GIGYF2: variants seen among roughly 807,000 people sequenced by gnomAD.
The protein encoded by GIGYF2 is GRB10 interacting GYF protein 2.
A neutral mutation model predicts 208.1 loss-of-function variants in GIGYF2; 25 were observed. That is an observed-to-expected ratio of 0.12 (90% CI 0.09 to 0.17). GIGYF2 has a LOEUF of 0.17. GIGYF2 is among the 10% of genes least tolerant of loss of function. The probability of loss-of-function intolerance (pLI) is 1.00; values close to 1 mark genes in which losing one functional copy is unlikely to be tolerated. For synonymous variants in GIGYF2, 534 were observed against 543.8 expected, an observed-to-expected ratio of 0.98 and a Z score of 0.25; for missense variants, 1,302 against 1,579.4, an observed-to-expected ratio of 0.82 and a Z score of 2.98.
At chr2:232,763,902 A>G (rs1019406015) in intron 8 of GIGYF2, among the ~76,000 whole-genome samples, 1 of 152,132 alleles carries the variant, frequency 6.6e-6, no homozygotes, top group Non-Finnish European at 1.5e-5. Flanking sequence ...TTTTTTGATC[A>G]TGATTGACCA....
At chr2:232,753,155 A>ACT (rs1305821337) in intron 5 of GIGYF2, among the ~76,000 whole-genome samples, 1 of 150,840 alleles carries the variant, frequency 6.6e-6, no homozygotes, top group Non-Finnish European at 1.5e-5. Flanking sequence ...ACAGAATCTC[A>ACT]CTCTGTTGCC....
At chr2:232,811,101 A>G (rs901426044) in intron 16 of GIGYF2, 143 bp from the exon 17 acceptor site, 38 of 634,828 alleles carry the variant, frequency 6.0e-5, no homozygotes, top group Middle Eastern at 4.2e-4. Context: ...TATTATCATA[A>G]TGAAGAATTA....
In GIGYF2 at chr2:232,763,613, T is replaced by C. The variant is rs890885718; in HGVS notation, c.532+2177T>C. On this transcript the variant is annotated intron_variant, in intron 8 of 28. Coordinates refer to ENST00000373563, the MANE Select transcript of GIGYF2 (RefSeq NM_001103146.3). ...GCTGAGGTTGGCAGATCACGTGAGG[T>C]CAGGAGTTGGAGACCAGCTTGGCCA... is the stretch of plus-strand genomic sequence containing the variant. Among the ~76,000 whole-genome samples the C allele has an allele frequency of 5.9e-5, 9 of 151,658 alleles. 1 individual carries two copies. In the South Asian group the frequency reaches 1.9e-3, roughly 32 times the overall value.
At chr2:232,710,134 T>C (rs1301004462) in intron 2 of GIGYF2, among the ~76,000 whole-genome samples, 2 of 151,916 alleles carry the variant, frequency 1.3e-5, no homozygotes, top group African/African-American at 4.8e-5. Flanking sequence ...TAATTTTTTG[T>C]ATTTTTAGTA....
intron 26 of GIGYF2, 113 bp from the exon 27 acceptor site, chr2:232,847,235 T>G (rs1702035502): frequency 2.0e-6 from 2 of 1,018,584 alleles, no homozygotes; most frequent in Admixed American, 3.5e-5. Flanking sequence ...ACCAAGTGTC[T>G]GTCATTAATG....
intron 2 of GIGYF2, among the ~76,000 whole-genome samples, chr2:232,707,601 C>T (rs984782635): frequency 6.6e-6 from 1 of 151,730 alleles, no homozygotes; most frequent in African/African-American, 2.4e-5. Context: ...GAATCTGACC[C>T]TCTTCTTAGC....
chr2:232,725,209 A>G (rs1697140965), intron 2 of GIGYF2, among the ~76,000 whole-genome samples: 2 of 152,132 alleles, frequency 1.3e-5, no homozygotes, highest in Non-Finnish European at 2.9e-5. Flanking sequence ...TGTCCTGGAA[A>G]CTTTCCTGCC....
intron 23 of GIGYF2, among the ~76,000 whole-genome samples, chr2:232,840,552 ATTC>A: frequency 6.8e-6 from 1 of 146,860 alleles, no homozygotes; most frequent in Non-Finnish European, 1.5e-5. Context: ...TCATTCATTC[ATTC>A]AACACATGTT....
Position 232,856,773 on chromosome 2 carries a change from A to G in GIGYF2, c.3833-20A>G, listed in dbSNP as rs773134333. The G allele has an allele frequency of 1.0e-5, 16 of 1,580,762 alleles. No homozygotes were observed. Among genetic ancestry groups the G allele is most frequent in the Non-Finnish European group, 3.5e-6 (4 of 1,149,710 alleles). ...TGGTTGCCTGGGTGTGGTCACTCAT[A>G]GCCAGTTTTTTTTCTGCAGGATTTT... On this transcript the variant is annotated intron_variant, in intron 28 of 28. Coordinates refer to ENST00000373563, the MANE Select transcript of GIGYF2 (RefSeq NM_001103146.3).
At chr2:232,792,856 T>C (rs1270911382) in intron 12 of GIGYF2, among the ~76,000 whole-genome samples, 1 of 152,182 alleles carries the variant, frequency 6.6e-6, no homozygotes, top group African/African-American at 2.4e-5. Context: ...AGTCTAGATA[T>C]ATATATTCTG....
At chr2:232,813,862 G>GAAT (rs1252742303) in intron 18 of GIGYF2, among the ~76,000 whole-genome samples, 1 of 145,526 alleles carries the variant, frequency 6.9e-6, no homozygotes, top group Non-Finnish European at 1.5e-5. Context: ...TTTGAGCATT[G>GAAT]ACATGATTTC....
chr2:232,707,050 T>C (rs1188065536), intron 2 of GIGYF2, among the ~76,000 whole-genome samples: 1 of 152,056 alleles, frequency 6.6e-6, no homozygotes, highest in African/African-American at 2.4e-5. Flanking sequence ...GCAATGTTGA[T>C]GGCATTGTAA....
rs956864240 is a variant in GIGYF2, at chr2:232,859,943, A to C, written c.*3083A>C. The C allele has an allele frequency of 5.3e-5, 8 of 152,224 alleles. No homozygotes were observed. Among genetic ancestry groups the C allele is most frequent in the African/African-American group, 1.9e-4 (8 of 41,532 alleles). The allele number at this position is 152,224 out of a possible 1,614,324, so 9.4% of individuals were successfully genotyped here. A position where few individuals can be genotyped will look rare whatever the true frequency, so the allele number is the denominator to read the frequency against. ...CACTTCTGTGACACTGTGTTGCATCAAAGTAGTCACAAACCCACTCAGATT... is the reference window on the plus strand; with the variant it reads ...CACTTCTGTGACACTGTGTTGCATCCAAGTAGTCACAAACCCACTCAGATT... On this transcript the variant is annotated 3_prime_UTR_variant, in exon 29 of 29. Coordinates refer to ENST00000373563, the MANE Select transcript of GIGYF2 (RefSeq NM_001103146.3).
In GIGYF2 at chr2:232,844,546, A is replaced by C. The variant is rs1701935642; in HGVS notation, c.3277A>C (p.Asn1093His). Residue 1093 changes from asparagine (N) to histidine (H), a missense_variant, in exon 25 of 29, where the codon AAT becomes CAT. Physicochemically the swap from Asn to His is moderately conservative, Grantham distance 68 (BLOSUM62 1). Coordinates refer to ENST00000373563, the MANE Select transcript of GIGYF2 (RefSeq NM_001103146.3). ...AGAGGTGGGACCTAGGAATTCAACAAATAAAAATAAAAACAACGCCAGTCT... is the reference window on the plus strand; with the variant it reads ...AGAGGTGGGACCTAGGAATTCAACACATAAAAATAAAAACAACGCCAGTCT... ...VKEVGPRNSTNKNKNNASLSK... is the reference protein window; with the variant it reads ...VKEVGPRNSTHKNKNNASLSK... The C allele has an allele frequency of 6.2e-7, 1 of 1,613,508 alleles. No individual in the cohort carries two copies. The highest frequency in any genetic ancestry group is 1.3e-5 in the African/African-American group (1 of 74,918).
chr2:232,793,912 T>C (rs755665384), intron 12 of GIGYF2, among the ~76,000 whole-genome samples: 24 of 152,214 alleles, frequency 1.6e-4, no homozygotes, highest in Non-Finnish European at 3.1e-4. Context: ...TTTGGCAACT[T>C]TGTGTCACTG....
chr2:232,701,725 A>G (rs1299558868), intron 1 of GIGYF2, among the ~76,000 whole-genome samples: 1 of 152,056 alleles, frequency 6.6e-6, no homozygotes, highest in East Asian at 2.0e-4. Context: ...TGCCCCACCA[A>G]GAATGCAATT....
chr2:232,777,462 T>G (rs1553612498), intron 8 of GIGYF2, among the ~76,000 whole-genome samples: 1 of 152,142 alleles, frequency 6.6e-6, no homozygotes, highest in Non-Finnish European at 1.5e-5. Flanking sequence ...ATTTTAAAAC[T>G]TTGACCAAAT....
chr2:232,821,357 G>T (rs1262468716), intron 21 of GIGYF2, among the ~76,000 whole-genome samples: 1 of 152,038 alleles, frequency 6.6e-6, no homozygotes, highest in African/African-American at 2.4e-5. Context: ...GTGCTGCCAC[G>T]CTCGGCTAAT....
chr2:232,850,922 G>C (rs1317912219), intron 28 of GIGYF2, among the ~76,000 whole-genome samples: 1 of 152,184 alleles, frequency 6.6e-6, no homozygotes, highest in Admixed American at 6.5e-5. Flanking sequence ...AAGGCACAGA[G>C]ATTGAGAACA....
Sources: allele counts gnomAD v4.1 joint callset (sites outside exome capture counted in the v4.1 genomes callset), GRCh38; gene constraint gnomAD v4.1.1; transcripts MANE v1.5; gene names NCBI Gene and HGNC (gene_info 2026-07-23, HGNC 2026-07-21).